UGT1A7: variants seen among roughly 807,000 people sequenced by gnomAD.
The protein encoded by UGT1A7 is UDP glucuronosyltransferase family 1 member A7, also known as UDP-glucuronosyltransferase 1A7.
UGT1A7 carries 33 observed loss-of-function variants against 45.6 expected under a neutral mutation model. That is an observed-to-expected ratio of 0.72 (90% CI 0.55 to 0.97). The LOEUF (loss-of-function observed/expected upper bound fraction) is 0.97, where lower values mean the gene tolerates loss of function less well. Ranked by LOEUF, UGT1A7 falls within the 50% of genes least tolerant of loss-of-function variation. The pLI is 0.00. For missense variants in UGT1A7, 684 were observed against 666.2 expected (o/e 1.03, Z -0.29); for synonymous variants, 274 against 250.6 (o/e 1.09, Z -0.88).
At chr2:233,727,899 C>T (rs1376574896) in intron 1 of UGT1A7, among the ~76,000 whole-genome samples, 1 of 152,176 alleles carries the variant, frequency 6.6e-6, no homozygotes, top group Admixed American at 6.5e-5. Context: ...CACGGCCAGG[C>T]AAGAAGACAC....
chr2:233,733,202 C>A (rs1192097385), intron 1 of UGT1A7, among the ~76,000 whole-genome samples: 2 of 152,102 alleles, frequency 1.3e-5, no homozygotes, highest in Non-Finnish European at 2.9e-5. Context: ...CTTAAGGAGA[C>A]TTTGGGCTGA....
At chr2:233,762,292 A>G (rs1037418079) in intron 1 of UGT1A7, among the ~76,000 whole-genome samples, 1 of 152,236 alleles carries the variant, frequency 6.6e-6, no homozygotes, top group Non-Finnish European at 1.5e-5. Context: ...GAAAGGTGCC[A>G]ACCGAGGTCT....
chr2:233,766,278 C>CGGGCTCGGTGGCCT (rs201295078), intron 1 of UGT1A7, among the ~76,000 whole-genome samples: 1 of 116,250 alleles, frequency 8.6e-6, no homozygotes, highest in East Asian at 2.1e-4. Flanking sequence ...CTCGGTGGCC[C>CGGGCTCGGTGGCCT]GGGCTCGGTG....
In UGT1A7 at chr2:233,769,631, G is replaced by A. The variant is rs1359038576; in HGVS notation, c.1295+1192G>A. 4 of 1,611,522 alleles carry A rather than the reference G, an allele frequency of 2.5e-6. No individual in the cohort carries two copies. Among genetic ancestry groups the A allele is most frequent in the African/African-American group, 1.3e-5 (1 of 74,932 alleles). ...ACACCAGCTTGAGCAAGGGACAACA[G>A]GGGAGGACTGATGACTGACTTCCCA... is the stretch of plus-strand genomic sequence containing the variant. On this transcript the variant is annotated intron_variant, in intron 4 of 4. Transcript: ENST00000373426. The surrounding 1 kb of genome is among the most constrained non-coding windows in gnomAD (Gnocchi z 4.4).
intron 1 of UGT1A7, chr2:233,747,764 C>G: frequency 6.2e-7 from 1 of 1,613,426 alleles, no homozygotes; most frequent in Non-Finnish European, 8.5e-7. Context: ...ACTTTAAGGG[C>G]ACACAGTGTC....
intron 1 of UGT1A7, among the ~76,000 whole-genome samples, chr2:233,735,706 TG>T (rs200320435): frequency 0.013 from 1,981 of 152,300 alleles, 51 homozygotes; most frequent in African/African-American, 0.046. Context: ...GCAGGCCTGG[TG>T]GTGACAAAAT....
intron 1 of UGT1A7, chr2:233,729,586 G>T (rs138085546): frequency 2.5e-6 from 4 of 1,614,044 alleles, no homozygotes; most frequent in Non-Finnish European, 2.5e-6. Flanking sequence ...AACAGACCCC[G>T]TTAACCTCTG....
chr2:233,687,258 A>G (rs1365744263), intron 1 of UGT1A7, among the ~76,000 whole-genome samples: 2 of 152,216 alleles, frequency 1.3e-5, no homozygotes, highest in African/African-American at 4.8e-5. Context: ...AATGATCTTA[A>G]CCATGCATTC....
chr2:233,738,398 A>G (rs1690780293), intron 1 of UGT1A7, among the ~76,000 whole-genome samples: 1 of 152,236 alleles, frequency 6.6e-6, no homozygotes, highest in African/African-American at 2.4e-5. Context: ...AGTGACTTGG[A>G]ACTGGGTAAC....
chr2:233,747,970 C>G, intron 1 of UGT1A7: 5 of 1,613,476 alleles, frequency 3.1e-6, no homozygotes, highest in Non-Finnish European at 4.2e-6. Flanking sequence ...AGCCATGCAT[C>G]TGTGTGGCTG....
intron 1 of UGT1A7, among the ~76,000 whole-genome samples, chr2:233,761,693 AG>A (rs1697839049): frequency 6.6e-6 from 1 of 152,260 alleles, no homozygotes; most frequent in African/African-American, 2.4e-5. Flanking sequence ...TGATACAGAA[AG>A]GTTGTAGGTT....
chr2:233,729,120 T>A, intron 1 of UGT1A7: 1 of 1,613,088 alleles, frequency 6.2e-7, no homozygotes, highest in Non-Finnish European at 8.5e-7. Context: ...CCGTGTCTTC[T>A]GCTGAGATGG....
At chr2:233,716,672 C>G (rs2076519227) in intron 1 of UGT1A7, among the ~76,000 whole-genome samples, 1 of 151,920 alleles carries the variant, frequency 6.6e-6, no homozygotes, top group Admixed American at 6.6e-5. Context: ...CTTTGTTTAC[C>G]CCAAGATATA....
chr2:233,743,990 C>T (rs541433916), intron 1 of UGT1A7: 26 of 1,267,206 alleles, frequency 2.1e-5, no homozygotes, highest in Admixed American at 2.4e-5. Context: ...GGCGCAGGCC[C>T]GAGTGCTCGG....
chr2:233,772,178 T>C, intron 4 of UGT1A7, 84 bp from the exon 5 acceptor site: 1 of 1,584,068 alleles, frequency 6.3e-7, no homozygotes, highest in Non-Finnish European at 8.6e-7. Context: ...AATCTGGTAG[T>C]CTTCTTAAGC....
At chr2:233,682,929 A>G (rs925012873) in intron 1 of UGT1A7, 137 bp downstream of exon 1, 2 of 1,456,056 alleles carry the variant, frequency 1.4e-6, no homozygotes, top group African/African-American at 2.8e-5. Context: ...TTTTGTACCA[A>G]TTCACTTAAT....
Position 233,768,349 on chromosome 2 carries a change from A to T in UGT1A7, c.1205A>T (p.Glu402Val), listed in dbSNP as rs1699604029. The change falls in exon 4 of 5, where the codon GAG becomes GTG. Residue 402 changes from glutamate to valine, a missense_variant. By Grantham distance (121) the Glu-to-Val change is moderately radical. Coordinates refer to ENST00000373426, the MANE Select transcript of UGT1A7 (RefSeq NM_019077.3). The stretch of plus-strand genomic sequence containing the variant: ...CAGATGGACAATGCAAAGCGCATGG[A>T]GACTAAGGGAGCTGGAGTGACCCTG... Reference protein sequence around the residue: ...GDQMDNAKRMETKGAGVTLNV... With the variant: ...GDQMDNAKRMVTKGAGVTLNV... The T allele has an allele frequency of 1.2e-6, 2 of 1,614,182 alleles. No homozygotes were observed. Among genetic ancestry groups the T allele is most frequent in the Non-Finnish European group, 8.5e-7 (1 of 1,180,036 alleles).
intron 1 of UGT1A7, chr2:233,729,369 C>T (rs552638090): frequency 1.4e-5 from 23 of 1,613,926 alleles, no homozygotes; most frequent in Non-Finnish European, 1.8e-5. Flanking sequence ...CAACCTATGC[C>T]ATTTCGTGGA....
At chr2:233,709,349 A>C (rs1242189375) in intron 1 of UGT1A7, among the ~76,000 whole-genome samples, 3 of 152,182 alleles carry the variant, frequency 2.0e-5, no homozygotes. Flanking sequence ...TAAACCTATT[A>C]CTATATAGAT....
Sources: allele counts gnomAD v4.1 joint callset (sites outside exome capture counted in the v4.1 genomes callset), GRCh38; gene constraint gnomAD v4.1.1; non-coding constraint Gnocchi (gnomAD v3.1); transcripts MANE v1.5; gene names NCBI Gene and HGNC (gene_info 2026-07-23, HGNC 2026-07-21).